Variants in NOTCH2 observed in about 807,000 individuals in gnomAD.
NOTCH2 encodes notch receptor 2, also known as neurogenic locus notch homolog protein 2.
A neutral mutation model predicts 235.8 loss-of-function variants in NOTCH2; 29 were observed. The observed-to-expected ratio is 0.12, with a 90% CI of 0.09 to 0.17. The LOEUF is 0.17. Ranked by LOEUF, NOTCH2 falls within the 10% of genes least tolerant of loss-of-function variation. The probability of loss-of-function intolerance (pLI) is 1.00; values close to 1 mark genes in which losing one functional copy is unlikely to be tolerated. For synonymous variants in NOTCH2, 1,086 were observed against 1,141.5 expected (o/e 0.95, Z 0.98); for missense variants, 2,285 against 3,150.2 (o/e 0.73, Z 6.57).
chr1:119,958,415 T>C (rs1276167861), intron 12 of NOTCH2, among the ~76,000 whole-genome samples: 2 of 152,256 alleles, frequency 1.3e-5, no homozygotes, highest in African/African-American at 4.8e-5. Flanking sequence ...ATGGTGGACA[T>C]TCACTTCACT....
In NOTCH2 at chr1:120,047,919, C is replaced by T. The variant is rs587704163; in HGVS notation, c.74-17932G>A. Among the ~76,000 whole-genome samples the T allele has an allele frequency of 5.5e-3, 778 of 140,776 alleles. 1 individual carries two copies. The highest frequency in any genetic ancestry group is 0.02 in the African/African-American group (754 of 37,854). The allele number at this position is 140,776 out of a possible 152,430, so 92.4% of individuals were successfully genotyped here. ...AGCTGGGATTACAGGTGCACGCCAC[C>T]ATGTCCAGCTAATTTTTGCATTTTT... On this transcript the variant is annotated intron_variant, in intron 1 of 33. Transcript: ENST00000256646.
At chr1:119,964,205 A>G (rs191130862) in intron 10 of NOTCH2, among the ~76,000 whole-genome samples, 10 of 152,244 alleles carry the variant, frequency 6.6e-5, no homozygotes, top group African/African-American at 1.4e-4. Context: ...TATGTCCCCA[A>G]TTCTGACTTT....
chr1:119,920,609 C>T (rs1323581317), intron 29 of NOTCH2, among the ~76,000 whole-genome samples: 1 of 152,162 alleles, frequency 6.6e-6, no homozygotes, highest in African/African-American at 2.4e-5. Flanking sequence ...CTAGACAACT[C>T]CCTCCCCCAA....
intron 16 of NOTCH2, 145 bp from the exon 17 acceptor site, chr1:119,948,711 A>C: frequency 1.0e-6 from 1 of 981,814 alleles, no homozygotes; most frequent in South Asian, 1.4e-5. Context: ...TTCCAGGAAG[A>C]CTTCTGTGGC....
At position 119,968,138 on chromosome 1, in the gene NOTCH2, G is replaced by A. The variant is rs1223653454; in HGVS notation, c.1203C>T (p.Cys401=). The change falls in exon 7 of 34, where the codon TGC becomes TGT. Residue 401 remains cysteine, a synonymous_variant. Transcript: ENST00000256646. ...CCCCTTTGTAGCCTTGTGGGCAGGT[G>A]CAAATATATTGCCCATTTAGGGGGT... ...DTNPLNGQYI[C]TCPQGYKGAD... 5.0e-6 allele frequency: 8 copies of A among 1,613,960 alleles called. No individual in the cohort carries two copies. In the African/African-American group the frequency reaches 6.7e-5, roughly 13 times the overall value.
chr1:120,058,181 A>C (rs1177590501), intron 1 of NOTCH2, among the ~76,000 whole-genome samples: 3 of 152,134 alleles, frequency 2.0e-5, no homozygotes, highest in Non-Finnish European at 2.9e-5. Context: ...AAAAATCAAA[A>C]AAGAAAAAAA....
intron 20 of NOTCH2, 60 bp from the exon 21 acceptor site, chr1:119,937,526 T>C (rs1028946330): frequency 1.3e-6 from 2 of 1,502,526 alleles, no homozygotes; most frequent in Non-Finnish European, 9.1e-7. Flanking sequence ...GGGGTTCAAA[T>C]CAACCAATGA....
chr1:119,948,112 G>A (rs587642711), intron 17 of NOTCH2, among the ~76,000 whole-genome samples: 2 of 152,286 alleles, frequency 1.3e-5, no homozygotes, highest in African/African-American at 2.4e-5. Context: ...AATATTTGCA[G>A]TTTAATGTAC....
intron 2 of NOTCH2, among the ~76,000 whole-genome samples, chr1:120,023,957 C>CA (rs1553209461): frequency 6.6e-6 from 1 of 151,964 alleles, no homozygotes; most frequent in Admixed American, 6.6e-5. Context: ...AAATAGCATG[C>CA]AATAAATAAC....
At chr1:119,985,236 C>T (rs1458065552) in intron 5 of NOTCH2, among the ~76,000 whole-genome samples, 6 of 151,902 alleles carry the variant, frequency 3.9e-5, no homozygotes, top group Non-Finnish European at 8.8e-5. Context: ...TGAAGAAAAC[C>T]TGTGATGAAT....
intron 5 of NOTCH2, among the ~76,000 whole-genome samples, chr1:119,971,797 G>A (rs1370747353): frequency 6.6e-6 from 1 of 152,194 alleles, no homozygotes; most frequent in Non-Finnish European, 1.5e-5. Flanking sequence ...GGTTCCAATT[G>A]CTACTGAAGC....
chr1:120,047,939 A>AT lies in NOTCH2; in HGVS notation c.74-17953dup, dbSNP rs587704612. On this transcript the variant is annotated intron_variant, in intron 1 of 33. Transcript: ENST00000256646. ...GCCACCATGTCCAGCTAATTTTTGCATTTTTTTCCGTAGAGACGGGGTTTT... is the reference window on the plus strand; with the variant it reads ...GCCACCATGTCCAGCTAATTTTTGCATTTTTTTTCCGTAGAGACGGGGTTTT... 7.3e-3 allele frequency among the ~76,000 whole-genome samples: 1,048 copies of AT among 143,222 alleles called. 19 individuals carry two copies. Among genetic ancestry groups the AT allele is most frequent in the Non-Finnish European group, 9.9e-3 (644 of 65,340 alleles). 94.0% of individuals were successfully genotyped at this position (143,222 alleles called of 152,430 possible).
chr1:119,915,630 C>T lies in NOTCH2; in HGVS notation c.7092G>A (p.Gln2364=). 1 of 1,614,032 alleles carries T rather than the reference C, an allele frequency of 6.2e-7. No homozygotes were observed. Among genetic ancestry groups the T allele is most frequent in the South Asian group, 1.1e-5 (1 of 91,080 alleles). ...PTAMMPQQDG[Q]VAQTILPAYH... is the part of the protein sequence containing the mutation. ...AGGCTGGGAGAATGGTCTGAGCTAC[C>T]TGCCCGTCCTGCTGGGGCATCATGG... Residue 2364 remains glutamine (Q), a synonymous_variant, in exon 34 of 34, where the codon CAG becomes CAA. Transcript: ENST00000256646.
chr1:120,066,370 CT>C (rs1553217082), intron 1 of NOTCH2, among the ~76,000 whole-genome samples: 1 of 148,160 alleles, frequency 6.7e-6, no homozygotes, highest in Non-Finnish European at 1.5e-5. Context: ...TCAAACTTAC[CT>C]TATCAGAATC....
At chr1:120,000,102 G>A (rs1287191669) in intron 3 of NOTCH2, among the ~76,000 whole-genome samples, 2 of 152,108 alleles carry the variant, frequency 1.3e-5, no homozygotes, top group African/African-American at 2.4e-5. Flanking sequence ...GCACTAACTT[G>A]CTGCCTCTGC....
chr1:119,961,523 C>A (rs1448031482), intron 11 of NOTCH2, among the ~76,000 whole-genome samples: 1 of 152,212 alleles, frequency 6.6e-6, no homozygotes, highest in African/African-American at 2.4e-5. Context: ...TACAAATGCC[C>A]AGTTTCCTAT....
At chr1:119,950,883 G>A (rs2101118544) in intron 14 of NOTCH2, 46 bp from the exon 15 acceptor site, 2 of 1,205,220 alleles carry the variant, frequency 1.7e-6, no homozygotes, top group Non-Finnish European at 2.5e-6. Context: ...CTTTCTGACA[G>A]CCTCATCAAT....
chr1:119,967,691 G>A (rs1651196173), intron 7 of NOTCH2, 70 bp from the exon 8 acceptor site: 1 of 1,331,092 alleles, frequency 7.5e-7, no homozygotes, highest in Non-Finnish European at 1.1e-6. Flanking sequence ...CAATAGAAGA[G>A]CATCTGATGG....
At chr1:119,929,266 C>A in intron 22 of NOTCH2, 54 bp from the exon 23 acceptor site, 1 of 1,460,284 alleles carries the variant, frequency 6.8e-7, no homozygotes, top group Non-Finnish European at 9.6e-7. Flanking sequence ...ACCTGCTTTC[C>A]AGCAAGGGAT....
Sources: allele counts gnomAD v4.1 joint callset (sites outside exome capture counted in the v4.1 genomes callset), GRCh38; gene constraint gnomAD v4.1.1; transcripts MANE v1.5; gene names NCBI Gene and HGNC (gene_info 2026-07-23, HGNC 2026-07-21).